UBE2H: variants seen among roughly 807,000 people sequenced by gnomAD.
UBE2H encodes ubiquitin-conjugating enzyme E2 H.
UBE2H carries 3 observed loss-of-function variants against 29.0 expected under a neutral mutation model. That is an observed-to-expected ratio of 0.10 (90% confidence interval 0.05 to 0.27). The LOEUF (loss-of-function observed/expected upper bound fraction) is 0.27, where lower values mean the gene tolerates loss of function less well. Among genes scored for constraint, UBE2H ranks in the 10% least tolerant of loss-of-function variants. UBE2H has a pLI of 1.00. For missense variants in UBE2H, 68 were observed against 228.2 expected, an observed-to-expected ratio of 0.30 and a Z score of 4.52; for synonymous variants, 69 against 82.9, an observed-to-expected ratio of 0.83 and a Z score of 0.91.
At chr7:129,857,721 C>T (rs765296887) in intron 4 of UBE2H, among the ~76,000 whole-genome samples, 158 bp from the exon 5 acceptor site, 1 of 152,060 alleles carries the variant, frequency 6.6e-6, no homozygotes, top group Non-Finnish European at 1.5e-5. Context: ...CAGAATAGTA[C>T]CAGGTCTTGA....
intron 1 of UBE2H, among the ~76,000 whole-genome samples, chr7:129,926,591 T>C (rs1293246897): frequency 2.0e-5 from 3 of 152,104 alleles, no homozygotes; most frequent in African/African-American, 4.8e-5. Flanking sequence ...ATTACAGTCA[T>C]GAGCCACCTG....
chr7:129,936,563 C>T (rs1476032002), intron 1 of UBE2H, among the ~76,000 whole-genome samples: 5 of 148,264 alleles, frequency 3.4e-5, no homozygotes, highest in Non-Finnish European at 5.9e-5. Flanking sequence ...CACTGCACTC[C>T]AGCCTGGGTG....
intron 1 of UBE2H, among the ~76,000 whole-genome samples, chr7:129,946,201 C>G (rs1048022226): frequency 6.6e-6 from 1 of 151,770 alleles, no homozygotes; most frequent in African/African-American, 2.4e-5. Flanking sequence ...TACAGGCGCC[C>G]GCCACCACGC....
At chr7:129,928,139 T>C (rs1807310451) in intron 1 of UBE2H, among the ~76,000 whole-genome samples, 4 of 151,474 alleles carry the variant, frequency 2.6e-5, no homozygotes, top group South Asian at 2.1e-4. Flanking sequence ...AAGACCATCC[T>C]GGCCAACACG....
At chr7:129,840,585 G>A (rs1310420077) in intron 5 of UBE2H, among the ~76,000 whole-genome samples, 2 of 151,754 alleles carry the variant, frequency 1.3e-5, no homozygotes, top group African/African-American at 2.4e-5. Context: ...CTGAGAACCT[G>A]GGTATAACAC....
At chr7:129,876,084 G>C (rs556307436) in intron 3 of UBE2H, among the ~76,000 whole-genome samples, 1 of 152,136 alleles carries the variant, frequency 6.6e-6, no homozygotes, top group Non-Finnish European at 1.5e-5. Flanking sequence ...TTAAGTACAC[G>C]TAGTATTTTA....
At chr7:129,927,715 G>A (rs1012079666) in intron 1 of UBE2H, among the ~76,000 whole-genome samples, 1 of 152,120 alleles carries the variant, frequency 6.6e-6, no homozygotes, top group Non-Finnish European at 1.5e-5. Flanking sequence ...AAGCAGGCAC[G>A]CAAAGACATG....
intron 5 of UBE2H, among the ~76,000 whole-genome samples, chr7:129,847,122 C>A (rs188977826): frequency 6.6e-6 from 1 of 152,274 alleles, no homozygotes; most frequent in East Asian, 1.9e-4. Flanking sequence ...TCTCAGCTCA[C>A]TGGAACCTCT....
rs149372846 is a variant in UBE2H at position 129,937,443 on chromosome 7, T to C, written c.53+15060A>G. Among the ~76,000 whole-genome samples the C allele has an allele frequency of 1.6e-3, 251 of 152,358 alleles. 2 individuals are homozygous for C. Among genetic ancestry groups the C allele is most frequent in the African/African-American group, 5.7e-3 (239 of 41,582 alleles). ...GATATATCATGGTTTATATGTTATA[T>C]ATAAAACTCTTAACTAAATCTCAAA... On this transcript the variant is annotated intron_variant, in intron 1 of 6. Transcript: ENST00000355621.
At chr7:129,854,060 GTTT>G (rs56362841) in intron 5 of UBE2H, among the ~76,000 whole-genome samples, 8 of 100,310 alleles carry the variant, frequency 8.0e-5, no homozygotes, top group Admixed American at 2.1e-4. Flanking sequence ...TTTAGTGTTA[GTTT>G]TTTTTTTTTT....
At chr7:129,835,687 C>T (rs1485906301) in intron 6 of UBE2H, among the ~76,000 whole-genome samples, 2 of 152,148 alleles carry the variant, frequency 1.3e-5, no homozygotes, top group Non-Finnish European at 2.9e-5. Flanking sequence ...TGGTGGAACC[C>T]TAGGCTGAAT....
At chr7:129,913,490 G>C (rs893981394) in intron 1 of UBE2H, among the ~76,000 whole-genome samples, 21 of 152,070 alleles carry the variant, frequency 1.4e-4, no homozygotes, top group African/African-American at 5.1e-4. Flanking sequence ...AGAAGTTATT[G>C]CTATCTCCAC....
At chr7:129,850,756 A>G (rs1303075653) in intron 5 of UBE2H, among the ~76,000 whole-genome samples, 9 of 148,590 alleles carry the variant, frequency 6.1e-5, no homozygotes, top group African/African-American at 2.2e-4. Context: ...CAGAGGTTAC[A>G]GTGAGCCGAG....
rs183729597 is a variant in UBE2H at position 129,916,221 on chromosome 7, G to T, written c.54-35250C>A. On this transcript the variant is annotated intron_variant, in intron 1 of 6. Coordinates refer to ENST00000355621, the MANE Select transcript of UBE2H (RefSeq NM_003344.4). ...AACCGGCATTATAACCAGCTTAACA[G>T]AAAAATCCTCTTCCATTAAACAGAT... Among the ~76,000 whole-genome samples, 62 of 152,080 alleles carry T rather than the reference G, an allele frequency of 4.1e-4. No individual in the cohort carries two copies. The East Asian group carries it at 0.011, about 28-fold the overall frequency.
chr7:129,884,444 T>A (rs1016314755), intron 1 of UBE2H, among the ~76,000 whole-genome samples: 2 of 151,996 alleles, frequency 1.3e-5, no homozygotes, highest in African/African-American at 2.4e-5. Context: ...ATTTCTCTAC[T>A]TTTTGTATAT....
intron 1 of UBE2H, among the ~76,000 whole-genome samples, chr7:129,914,579 G>C (rs1476219204): frequency 6.6e-6 from 1 of 152,204 alleles, no homozygotes; most frequent in Non-Finnish European, 1.5e-5. Flanking sequence ...GAGGTCATAT[G>C]ATACACTCAG....
intron 5 of UBE2H, among the ~76,000 whole-genome samples, chr7:129,849,687 C>T (rs376106610): frequency 6.6e-6 from 1 of 152,198 alleles, no homozygotes; most frequent in Non-Finnish European, 1.5e-5. Context: ...GCTGAAGCAA[C>T]CCACCAGACT....
At chr7:129,942,338 T>G (rs1005032011) in intron 1 of UBE2H, among the ~76,000 whole-genome samples, 1 of 149,922 alleles carries the variant, frequency 6.7e-6, no homozygotes, top group Non-Finnish European at 1.5e-5. Flanking sequence ...AAATAAAAAA[T>G]TAGCCAGGCG....
intron 1 of UBE2H, among the ~76,000 whole-genome samples, chr7:129,952,106 G>T (rs779041133): frequency 3.3e-5 from 5 of 152,066 alleles, no homozygotes; most frequent in Non-Finnish European, 5.9e-5. Context: ...CTTCCCTCTC[G>T]GGAATTTCTG....
Sources: allele counts gnomAD v4.1 joint callset (sites outside exome capture counted in the v4.1 genomes callset), GRCh38; gene constraint gnomAD v4.1.1; transcripts MANE v1.5; gene names NCBI Gene and HGNC (gene_info 2026-07-23, HGNC 2026-07-21).